Variants in FAM81A observed in about 807,000 individuals in gnomAD.
FAM81A encodes the protein family with sequence similarity 81 member A.
A neutral mutation model predicts 46.7 loss-of-function variants in FAM81A; 19 were observed. The ratio of observed to expected loss-of-function variants is 0.41; its 90% CI spans 0.28 to 0.60. The LOEUF is 0.60. Ranked by LOEUF, FAM81A falls within the 20% of genes least tolerant of loss-of-function variation. The pLI, the probability that FAM81A is intolerant of heterozygous loss-of-function variation, is 0.34. For missense variants in FAM81A, 377 were observed against 453.5 expected (o/e 0.83, Z 1.53); for synonymous variants, 183 against 152.9 (o/e 1.20, Z -1.45).
At chr15:59,424,818 C>A (rs1319488521) in intron 2 of FAM81A, among the ~76,000 whole-genome samples, 2 of 152,182 alleles carry the variant, frequency 1.3e-5, no homozygotes, top group African/African-American at 4.8e-5. Flanking sequence ...CACTGTCATA[C>A]CTCACTACTA....
At chr15:59,477,735 A>G (rs1345809622) in intron 3 of FAM81A, among the ~76,000 whole-genome samples, 4 of 152,228 alleles carry the variant, frequency 2.6e-5, no homozygotes, top group African/African-American at 9.6e-5. Context: ...CCAGAACCCT[A>G]TAATTATTGC....
intron 2 of FAM81A, among the ~76,000 whole-genome samples, chr15:59,409,955 TATCAGTACTATTATTATAATATAGAA>T (rs1392131403): frequency 1.3e-5 from 2 of 152,278 alleles, no homozygotes; most frequent in African/African-American, 2.4e-5. Flanking sequence ...ACAAAGATGA[TATCAGTACTATTATTATAATATAGAA>T]ATCAGTACTA....
At chr15:59,465,178 A>G (rs1202714226) in intron 3 of FAM81A, among the ~76,000 whole-genome samples, 4 of 152,096 alleles carry the variant, frequency 2.6e-5, no homozygotes, top group Non-Finnish European at 1.5e-5. Flanking sequence ...CTATGTGTCT[A>G]TTTTTATGCC....
intron 2 of FAM81A, among the ~76,000 whole-genome samples, chr15:59,410,587 T>C (rs576377435): frequency 2.6e-4 from 40 of 152,318 alleles, no homozygotes; most frequent in Non-Finnish European, 4.9e-4. Context: ...CTCCTGGTCC[T>C]TCCTGGTGAC....
At chr15:59,418,561 G>A (rs2081157139) in intron 2 of FAM81A, among the ~76,000 whole-genome samples, 1 of 152,194 alleles carries the variant, frequency 6.6e-6, no homozygotes, top group South Asian at 2.1e-4. Context: ...CAAGCTTGGT[G>A]CAATGTTCAG....
intron 2 of FAM81A, among the ~76,000 whole-genome samples, chr15:59,418,118 G>C (rs983039782): frequency 6.6e-6 from 1 of 152,094 alleles, no homozygotes; most frequent in Non-Finnish European, 1.5e-5. Context: ...TTTAAAATAG[G>C]ATTTTTTATC....
intron 3 of FAM81A, among the ~76,000 whole-genome samples, chr15:59,468,575 T>A (rs1418333736): frequency 4.6e-5 from 7 of 152,268 alleles, no homozygotes; most frequent in African/African-American, 1.7e-4. Flanking sequence ...CATTTTTTAT[T>A]GCATCTATTT....
intron 6 of FAM81A, among the ~76,000 whole-genome samples, chr15:59,510,788 A>G (rs2082199216): frequency 1.4e-5 from 2 of 141,562 alleles, no homozygotes. Context: ...AAAAAAAAAA[A>G]AAAAAAAAAA....
chr15:59,413,481 C>T (rs2081131637), intron 2 of FAM81A, among the ~76,000 whole-genome samples: 1 of 151,992 alleles, frequency 6.6e-6, no homozygotes, highest in South Asian at 2.1e-4. Flanking sequence ...CCCTATATCA[C>T]ACCCTGTGAA....
At chr15:59,482,812 G>GA (rs1467892608) in intron 3 of FAM81A, among the ~76,000 whole-genome samples, 1 of 152,192 alleles carries the variant, frequency 6.6e-6, no homozygotes, top group African/African-American at 2.4e-5. Context: ...CCTATTAAGA[G>GA]AGAGTGCACC....
At chr15:59,473,476 C>T (rs543060246) in intron 3 of FAM81A, among the ~76,000 whole-genome samples, 26 of 152,304 alleles carry the variant, frequency 1.7e-4, no homozygotes, top group South Asian at 8.3e-4. Flanking sequence ...AGTCTTGGAA[C>T]GTGTCCCCTG....
At chr15:59,448,442 G>A (rs1259161764) in intron 1 of FAM81A, among the ~76,000 whole-genome samples, 2 of 152,108 alleles carry the variant, frequency 1.3e-5, no homozygotes, top group African/African-American at 4.8e-5. Context: ...CTAAACTGTG[G>A]TGCCTTGGAG....
chr15:59,473,421 A>G (rs925357064), intron 3 of FAM81A, among the ~76,000 whole-genome samples: 4 of 152,156 alleles, frequency 2.6e-5, no homozygotes, highest in African/African-American at 7.2e-5. Context: ...AAAACATAGT[A>G]TATGTAGGGT....
intron 1 of FAM81A, among the ~76,000 whole-genome samples, chr15:59,452,748 A>G (rs1469914850): frequency 1.3e-5 from 2 of 152,212 alleles, no homozygotes; most frequent in East Asian, 1.9e-4. Flanking sequence ...CACATAGTCT[A>G]TGAAGTATTA....
chr15:59,413,910 C>T (rs2081133817), intron 2 of FAM81A, among the ~76,000 whole-genome samples: 2 of 152,174 alleles, frequency 1.3e-5, no homozygotes. Flanking sequence ...CTGTGAGGCT[C>T]TGGCAGGTAG....
chr15:59,471,810 C>G (rs1211260560), intron 3 of FAM81A, among the ~76,000 whole-genome samples: 1 of 152,112 alleles, frequency 6.6e-6, no homozygotes, highest in Non-Finnish European at 1.5e-5. Flanking sequence ...TCAAATTTCA[C>G]TGTTCTTTGA....
chr15:59,427,742 C>A (rs1461823741), intron 2 of FAM81A, among the ~76,000 whole-genome samples: 2 of 152,128 alleles, frequency 1.3e-5, no homozygotes, highest in Non-Finnish European at 2.9e-5. Context: ...GGATCTCATT[C>A]TTTTTTATGG....
At chr15:59,430,816 G>C (rs1567041238) in intron 2 of FAM81A, among the ~76,000 whole-genome samples, 1 of 152,100 alleles carries the variant, frequency 6.6e-6, no homozygotes, top group Non-Finnish European at 1.5e-5. Context: ...GGACCAGAAG[G>C]ATTCTTAGAA....
chr15:59,511,107 A>G (rs2082203574), intron 6 of FAM81A, among the ~76,000 whole-genome samples: 1 of 152,176 alleles, frequency 6.6e-6, no homozygotes, highest in Non-Finnish European at 1.5e-5. Flanking sequence ...AAAAAAGAAA[A>G]CGAAGAAGAA....
Sources: gnomAD v4.1 joint callset for allele counts (sites outside exome capture counted in the v4.1 genomes callset) on GRCh38, gnomAD v4.1.1 for gene constraint, MANE v1.5 for transcripts, NCBI Gene and HGNC (gene_info 2026-07-23, HGNC 2026-07-21) for gene names.